MGST1: variants seen among roughly 807,000 people sequenced by gnomAD.
MGST1 encodes glutathione S-transferase 12.
A neutral mutation model predicts 8.9 loss-of-function variants in MGST1; 5 were observed. The ratio of observed to expected loss-of-function variants is 0.56; its 90% CI spans 0.29 to 1.19. The LOEUF is 1.19. Among genes scored for constraint, MGST1 ranks in the 50% most tolerant of loss-of-function variants. The pLI is 0.08. For synonymous variants in MGST1, 54 were observed against 67.8 expected (o/e 0.80, Z 1.00); for missense variants, 182 against 187.4 (o/e 0.97, Z 0.17).
chr12:16,404,931 T>C (rs1438686809), intron 1 of MGST1, among the ~76,000 whole-genome samples: 1 of 152,116 alleles, frequency 6.6e-6, no homozygotes, highest in Non-Finnish European at 1.5e-5. Context: ...CTAAGAACTG[T>C]CTGGTAAATA....
intron 1 of MGST1, among the ~76,000 whole-genome samples, chr12:16,426,589 C>G (rs1295633048): frequency 1.3e-5 from 2 of 152,144 alleles, no homozygotes; most frequent in Non-Finnish European, 2.9e-5. Context: ...CAATTCCATT[C>G]CATTTCACTA....
At position 16,482,035 on chromosome 12, in the gene MGST1, C is replaced by T. The variant is rs73068187; in HGVS notation, n.482+98431C>T. 2.0e-4 allele frequency among the ~76,000 whole-genome samples: 30 copies of T among 152,168 alleles called. No homozygotes were observed. Among genetic ancestry groups the T allele is most frequent in the Non-Finnish European group, 3.8e-4 (26 of 68,008 alleles). On this transcript the variant is annotated intron_variant and non_coding_transcript_variant, in intron 4 of 4. Coordinates refer to the MGST1 transcript ENST00000538857. This position sits in a 1 kb window ranked among gnomAD's most constrained non-coding sequence, Gnocchi z 4.2. ...CAGAAAGGAATAATAAGCAGATTGA[C>T]AATGTAAGCTAAGGCATATAAAATA...
Position 16,482,133 on chromosome 12 carries a change from G to A in MGST1, n.482+98529G>A, listed in dbSNP as rs1460668265. Among the ~76,000 whole-genome samples, 1 of 152,098 alleles carries A rather than the reference G, an allele frequency of 6.6e-6. No individual in the cohort carries two copies. Among genetic ancestry groups the A allele is most frequent in the Non-Finnish European group, 1.5e-5 (1 of 68,016 alleles). The stretch of plus-strand genomic sequence containing the variant: ...CTAGCTAAATTTTACTTAAAACGCT[G>A]AAGGAAAATAAAGATATTTTCATGA... On this transcript the variant is annotated intron_variant and non_coding_transcript_variant, in intron 4 of 4. Coordinates refer to the MGST1 transcript ENST00000538857. This position sits in a 1 kb window ranked among gnomAD's most constrained non-coding sequence, Gnocchi z 4.2.
At chr12:16,484,523 C>G (rs1340209220) in intron 4 of MGST1, among the ~76,000 whole-genome samples, 2 of 152,120 alleles carry the variant, frequency 1.3e-5, no homozygotes, top group Non-Finnish European at 2.9e-5. Context: ...GTTTAACTGG[C>G]TCACAGTTCC....
At position 16,517,445 on chromosome 12, in the gene MGST1, C is replaced by A. The variant is rs1469148165; in HGVS notation, n.483-72083C>A. ...TGATGCCTCCTGCCTTCTGACACAG[C>A]AAGAAGGCCTGTACTAGATGAGGAT... On this transcript the variant is annotated intron_variant and non_coding_transcript_variant, in intron 4 of 4. Coordinates refer to the MGST1 transcript ENST00000538857. This position sits in a 1 kb window ranked among gnomAD's most constrained non-coding sequence, Gnocchi z 4.2. Among the ~76,000 whole-genome samples the A allele has an allele frequency of 6.6e-6, 1 of 152,158 alleles. No individual in the cohort carries two copies. The highest frequency in any genetic ancestry group is 1.5e-5 in the Non-Finnish European group (1 of 68,022).
chr12:16,521,192 G>C (rs922413386), intron 4 of MGST1, among the ~76,000 whole-genome samples: 2 of 151,994 alleles, frequency 1.3e-5, no homozygotes, highest in African/African-American at 4.8e-5. Flanking sequence ...TCCTGTATGA[G>C]TGACTGAGGT....
intron 4 of MGST1, among the ~76,000 whole-genome samples, chr12:16,483,422 C>T (rs1224828608): frequency 6.6e-6 from 1 of 152,026 alleles, no homozygotes; most frequent in Non-Finnish European, 1.5e-5. Flanking sequence ...TGTGAAAATA[C>T]TTGGAATCAA....
intron 1 of MGST1, among the ~76,000 whole-genome samples, chr12:16,392,761 A>G (rs11056916): frequency 0.39 from 59,152 of 151,950 alleles, 11,617 homozygotes; most frequent in East Asian, 0.53. Context: ...GATATATACA[A>G]AGATATATCT....
intron 4 of MGST1, among the ~76,000 whole-genome samples, chr12:16,469,782 A>G (rs1941280847): frequency 6.6e-6 from 1 of 152,222 alleles, no homozygotes; most frequent in Non-Finnish European, 1.5e-5. Flanking sequence ...ATTATCTCAA[A>G]TAAAAATCTA....
intron 4 of MGST1, among the ~76,000 whole-genome samples, chr12:16,521,673 A>G (rs1384816998): frequency 6.6e-6 from 1 of 152,106 alleles, no homozygotes; most frequent in Non-Finnish European, 1.5e-5. Context: ...AATATAACAT[A>G]TTTTTTGTCT....
intron 1 of MGST1, among the ~76,000 whole-genome samples, chr12:16,432,899 A>T (rs550353137): frequency 6.6e-6 from 1 of 152,068 alleles, no homozygotes; most frequent in Non-Finnish European, 1.5e-5. Context: ...AGGACAGTCA[A>T]TGGTGTCTGT....
chr12:16,347,395 C>G (rs1200195272), upstream of MGST1, among the ~76,000 whole-genome samples: 1 of 152,166 alleles, frequency 6.6e-6, no homozygotes, highest in African/African-American at 2.4e-5. This position sits in a 1 kb window ranked among gnomAD's most constrained non-coding sequence, Gnocchi z 4.0. Flanking sequence ...ATTCAGAGTT[C>G]CTAGACAATG....
At chr12:16,402,341 T>C (rs1940663180) in intron 1 of MGST1, 1 of 1,600,312 alleles carries the variant, frequency 6.2e-7, no homozygotes, top group Non-Finnish European at 8.6e-7. Context: ...GTTGGCATAC[T>C]CATCTTCTCC....
At chr12:16,478,973 C>G (rs78398312) in intron 4 of MGST1, among the ~76,000 whole-genome samples, 3,686 of 152,140 alleles carry the variant, frequency 0.024, 152 homozygotes, top group African/African-American at 0.084. Context: ...GCCCCTTCCC[C>G]TAGACCCTGG....
intron 4 of MGST1, among the ~76,000 whole-genome samples, chr12:16,527,471 C>T (rs1005535921): frequency 6.6e-6 from 1 of 151,950 alleles, no homozygotes; most frequent in African/African-American, 2.4e-5. Flanking sequence ...TAATAAATCA[C>T]ACATGGAATT....
intron 1 of MGST1, among the ~76,000 whole-genome samples, chr12:16,395,905 A>G (rs777692668): frequency 1.3e-5 from 2 of 151,698 alleles, no homozygotes; most frequent in South Asian, 2.1e-4. Context: ...TTGTGCTGCT[A>G]TAAACATGTA....
At chr12:16,467,138 A>G (rs2137130863) in intron 4 of MGST1, among the ~76,000 whole-genome samples, 1 of 152,340 alleles carries the variant, frequency 6.6e-6, no homozygotes. Flanking sequence ...ATGTAGTGTG[A>G]TTTTCACTAG....
chr12:16,511,676 T>C (rs1941578402), intron 4 of MGST1, among the ~76,000 whole-genome samples: 1 of 152,218 alleles, frequency 6.6e-6, no homozygotes, highest in Non-Finnish European at 1.5e-5. Context: ...ATGCAAAGAA[T>C]ATTAGATCAG....
chr12:16,443,396 A>G (rs555983114), downstream of MGST1, among the ~76,000 whole-genome samples: 2 of 151,760 alleles, frequency 1.3e-5, no homozygotes, highest in South Asian at 2.1e-4. Context: ...TTGTTTTTTC[A>G]TCATCCCATC....
Sources: gnomAD v4.1 joint callset for allele counts (sites outside exome capture counted in the v4.1 genomes callset) on GRCh38, gnomAD v4.1.1 for gene constraint, Gnocchi (gnomAD v3.1) non-coding constraint, MANE v1.5 for transcripts, NCBI Gene and HGNC (gene_info 2026-07-23, HGNC 2026-07-21) for gene names.